NR3C1: variants seen among roughly 807,000 people sequenced by gnomAD.
NR3C1 encodes the protein nuclear receptor subfamily 3 group C member 1.
A neutral mutation model predicts 74.0 loss-of-function variants in NR3C1; 14 were observed. That is an observed-to-expected ratio of 0.19 (90% CI 0.12 to 0.30). The LOEUF (loss-of-function observed/expected upper bound fraction) is 0.30. Ranked by LOEUF, NR3C1 falls within the 10% of genes least tolerant of loss-of-function variation. NR3C1 has a pLI of 1.00. For missense variants in NR3C1, 695 were observed against 909.8 expected (o/e 0.76, Z 3.04); for synonymous variants, 308 against 332.5 (o/e 0.93, Z 0.80).
At chr5:143,377,240 G>A (rs752160335) in intron 2 of NR3C1, among the ~76,000 whole-genome samples, 14 of 152,134 alleles carry the variant, frequency 9.2e-5, no homozygotes, top group Non-Finnish European at 1.6e-4. Context: ...TGTATTCCTT[G>A]ATTTGGCAGA....
intron 2 of NR3C1, among the ~76,000 whole-genome samples, chr5:143,394,170 G>A (rs1266345940): frequency 6.6e-6 from 1 of 151,932 alleles, no homozygotes; most frequent in African/African-American, 2.4e-5. Context: ...ATATTTAAAA[G>A]CACTCGAAAT....
At chr5:143,299,005 GTTTT>G (rs35039262) in intron 5 of NR3C1, among the ~76,000 whole-genome samples, 193 bp from the exon 6 acceptor site, 4 of 106,728 alleles carry the variant, frequency 3.7e-5, no homozygotes, top group African/African-American at 1.1e-4. Context: ...ACCCTCTTGT[GTTTT>G]TTTTTTTTTT....
Position 143,403,241 on chromosome 5 carries a change from G to T in NR3C1, c.-44C>A, listed in dbSNP as rs887986916. ...GCAGAGGAGCCGCTCGCCCGCCACC[G>T]TCCGCAGTTCCCGCCGCAGCCGAGA... On this transcript the variant is annotated 5_prime_UTR_variant, in exon 1 of 9. Transcript: ENST00000394464. 1.2e-5 allele frequency: 12 copies of T among 985,360 alleles called. No homozygotes were observed. The highest frequency in any genetic ancestry group is 5.2e-5 in the African/African-American group (3 of 57,200). The allele number at this position is 985,360 out of a possible 1,614,324, so 61.0% of individuals were successfully genotyped here.
intron 1 of NR3C1, among the ~76,000 whole-genome samples, chr5:143,433,466 A>AATTTATTTCTTTAAAT (rs1461822676): frequency 7.5e-6 from 1 of 133,804 alleles, no homozygotes; most frequent in African/African-American, 2.8e-5. Context: ...ATATATATAT[A>AATTTATTTCTTTAAAT]TATATTTAAT....
intron 2 of NR3C1, among the ~76,000 whole-genome samples, chr5:143,393,481 T>A (rs936076571): frequency 6.6e-6 from 1 of 152,170 alleles, no homozygotes; most frequent in South Asian, 2.1e-4. Context: ...GACTTTTAGT[T>A]GAGTATTTTT....
chr5:143,387,499 C>T (rs964265908), intron 2 of NR3C1, among the ~76,000 whole-genome samples: 6 of 152,140 alleles, frequency 3.9e-5, no homozygotes, highest in Non-Finnish European at 7.4e-5. Flanking sequence ...AGATTGTTGT[C>T]TCCTAATTCT....
At chr5:143,367,531 T>A (rs1833461490) in intron 2 of NR3C1, among the ~76,000 whole-genome samples, 1 of 152,210 alleles carries the variant, frequency 6.6e-6, no homozygotes, top group Non-Finnish European at 1.5e-5. Context: ...TACTCTATTA[T>A]GCTAATCAAT....
chr5:143,416,951 T>G (rs1171137294), intron 1 of NR3C1, among the ~76,000 whole-genome samples: 1 of 152,192 alleles, frequency 6.6e-6, no homozygotes, highest in East Asian at 1.9e-4. Flanking sequence ...GTTTCTATTT[T>G]TTTTATTAAT....
chr5:143,405,068 T>G, upstream of NR3C1: 1 of 953,924 alleles, frequency 1.0e-6, no homozygotes, highest in Middle Eastern at 5.4e-4. Context: ...GGGGTGCCCG[T>G]GCGGGAAGCC....
chr5:143,399,616 AAT>A, intron 2 of NR3C1, 38 bp downstream of exon 2: 4 of 1,373,332 alleles, frequency 2.9e-6, no homozygotes, highest in Non-Finnish European at 4.2e-6. Flanking sequence ...ATCTACCTTA[AAT>A]GTACCATTCT....
chr5:143,433,466 A>AATTTATTTATTTAAATTATATATATG (rs1461822676), intron 1 of NR3C1, among the ~76,000 whole-genome samples: 1 of 133,804 alleles, frequency 7.5e-6, no homozygotes, highest in Non-Finnish European at 1.6e-5. Context: ...ATATATATAT[A>AATTTATTTATTTAAATTATATATATG]TATATTTAAT....
rs1829297107 is a variant in NR3C1, at chr5:143,346,422, A to G, written c.1185-32254T>C. On this transcript the variant is annotated intron_variant, in intron 2 of 8. Coordinates refer to ENST00000394464, the MANE Select transcript of NR3C1 (RefSeq NM_000176.3). ...TAACAGAAGAGGAAAACAGATTTCTATCTAGCCTTTTAACAAAGTCAGTAT... is the reference window on the plus strand; with the variant it reads ...TAACAGAAGAGGAAAACAGATTTCTGTCTAGCCTTTTAACAAAGTCAGTAT... Among the ~76,000 whole-genome samples, 3 of 152,244 alleles carry G rather than the reference A, an allele frequency of 2.0e-5. No individual in the cohort carries two copies. The South Asian group carries it at 6.2e-4, about 32-fold the overall frequency.
Position 143,400,014 on chromosome 5 carries a change from C to T in NR3C1, c.826G>A (p.Val276Met). 1 of 1,614,178 alleles carries T rather than the reference C, an allele frequency of 6.2e-7. No individual in the cohort carries two copies. Among genetic ancestry groups the T allele is most frequent in the Non-Finnish European group, 8.5e-7 (1 of 1,180,030 alleles). The change falls in exon 2 of 9, where the codon GTG becomes ATG. Residue 276 changes from valine (V) to methionine (M), a missense_variant. Physicochemically the swap from Val to Met is conservative, Grantham distance 21. Coordinates refer to ENST00000394464, the MANE Select transcript of NR3C1 (RefSeq NM_000176.3). ...SSPSNVTLPQ[V>M]KTEKEDFIEL... ...ATGAAATCTTCTTTTTCTGTTTTCACTTGGGGCAGTGTTACATTACTGGGG... is the reference window on the plus strand; with the variant it reads ...ATGAAATCTTCTTTTTCTGTTTTCATTTGGGGCAGTGTTACATTACTGGGG...
intron 2 of NR3C1, among the ~76,000 whole-genome samples, chr5:143,358,440 C>A (rs1286829280): frequency 6.6e-6 from 1 of 152,160 alleles, no homozygotes; most frequent in Non-Finnish European, 1.5e-5. Context: ...TTATAACCAT[C>A]TAATATCTGG....
chr5:143,380,516 T>A (rs1165271086), intron 2 of NR3C1, among the ~76,000 whole-genome samples: 1 of 152,210 alleles, frequency 6.6e-6, no homozygotes, highest in Non-Finnish European at 1.5e-5. Flanking sequence ...AATGAAGTTA[T>A]TTCTAAAACC....
chr5:143,290,602 C>T (rs1470548499), intron 7 of NR3C1, among the ~76,000 whole-genome samples: 1 of 152,178 alleles, frequency 6.6e-6, no homozygotes, highest in Non-Finnish European at 1.5e-5. Context: ...CAGTGTCCCT[C>T]TGTCACCCAG....
At chr5:143,322,015 T>G (rs551713498) in intron 2 of NR3C1, among the ~76,000 whole-genome samples, 6 of 152,346 alleles carry the variant, frequency 3.9e-5, no homozygotes, top group African/African-American at 1.4e-4. Flanking sequence ...TATCTTTATC[T>G]GTTTTGCAAA....
At chr5:143,282,780 T>G in intron 7 of NR3C1, 55 bp from the exon 8 acceptor site, 2 of 1,366,390 alleles carry the variant, frequency 1.5e-6, no homozygotes, top group Admixed American at 4.2e-5. Context: ...TTCTTTTCTT[T>G]TTTTTTTTTT....
At chr5:143,404,157 A>G (rs1212577384), upstream of NR3C1, 1 of 985,330 alleles carries the variant, frequency 1.0e-6, no homozygotes, top group Non-Finnish European at 1.2e-6. Flanking sequence ...CGGGCGGGCC[A>G]CAAGAGCCGG....
Sources: allele counts gnomAD v4.1 joint callset (sites outside exome capture counted in the v4.1 genomes callset), GRCh38; gene constraint gnomAD v4.1.1; transcripts MANE v1.5; gene names NCBI Gene and HGNC (gene_info 2026-07-23, HGNC 2026-07-21).